B4GALNT2: variants seen among roughly 807,000 people sequenced by gnomAD.
The protein encoded by B4GALNT2 is N-acetylneuraminylgalactosylglucosyl-glucoside beta-1,4-N- acetylgalactosaminyltransferase 2.
In B4GALNT2, 42 loss-of-function variants were observed where a neutral mutation model predicts 51.1. The ratio of observed to expected loss-of-function variants is 0.82; its 90% CI spans 0.64 to 1.06. The LOEUF is 1.06. Ranked by LOEUF, B4GALNT2 falls within the 50% of genes least tolerant of loss-of-function variation. The pLI, the probability that B4GALNT2 is intolerant of heterozygous loss-of-function variation, is 0.00. For missense variants in B4GALNT2, 602 were observed against 633.6 expected, an observed-to-expected ratio of 0.95 and a Z score of 0.54; for synonymous variants, 253 against 251.7, an observed-to-expected ratio of 1.01 and a Z score of -0.05.
At chr17:49,125,349 G>A in the B4GALNT2 span, among the ~76,000 whole-genome samples, 1 of 151,910 alleles carries the variant, frequency 6.6e-6, no homozygotes, top group Non-Finnish European at 1.5e-5. Context: ...TAATAGAGAC[G>A]GGGTTTCACC....
At chr17:49,155,801 G>A (rs1289567229) in intron 4 of B4GALNT2, among the ~76,000 whole-genome samples, 2 of 150,998 alleles carry the variant, frequency 1.3e-5, no homozygotes, top group Admixed American at 6.6e-5. Context: ...TCGGCTCACT[G>A]CAAGCTCCGC....
intron 1 of B4GALNT2, among the ~76,000 whole-genome samples, chr17:49,140,300 C>T (rs2042630413): frequency 6.6e-6 from 1 of 152,008 alleles, no homozygotes; most frequent in African/African-American, 2.4e-5. Flanking sequence ...TGGGGTTTCA[C>T]CATGTTAGCC....
Position 49,148,599 on chromosome 17 carries a change from T to C in B4GALNT2, c.354-4201T>C, listed in dbSNP as rs1598204551. ...ATACTGGATACCCTTGTTGGTAAGG[T>C]ACGCGTAGAAATGTCTCCAGGCAAA... On this transcript the variant is annotated intron_variant, in intron 3 of 10. Transcript: ENST00000393354. 6.2e-6 allele frequency: 3 copies of C among 480,688 alleles called. No individual in the cohort carries two copies. In the East Asian group the frequency reaches 1.4e-4, roughly 23 times the overall value. The allele number at this position is 480,688 out of a possible 1,614,324, so 29.8% of individuals were successfully genotyped here.
chr17:49,135,598 T>C (rs2042582631), intron 1 of B4GALNT2, among the ~76,000 whole-genome samples: 1 of 152,060 alleles, frequency 6.6e-6, no homozygotes, highest in Admixed American at 6.6e-5. Flanking sequence ...TATTCTTATG[T>C]GTTACTTCTA....
Position 49,170,036 on chromosome 17 carries a change from T to C in B4GALNT2, c.*308T>C, listed in dbSNP as rs1026475877. 1 of 250,580 alleles carries C rather than the reference T, an allele frequency of 4.0e-6. No homozygotes were observed. Among genetic ancestry groups the C allele is most frequent in the African/African-American group, 2.2e-5 (1 of 44,988 alleles). The allele number at this position is 250,580 out of a possible 1,614,324, so 15.5% of individuals were successfully genotyped here. ...CATCTGATATCACACAAAGATGACA[T>C]TGGTTGGTGTCCTCAGTCAAAAGAA... On this transcript the variant is annotated 3_prime_UTR_variant, in exon 11 of 11. Coordinates refer to ENST00000393354, the MANE Select transcript of B4GALNT2 (RefSeq NM_001159387.2).
intron 3 of B4GALNT2, among the ~76,000 whole-genome samples, chr17:49,152,341 G>A (rs2042765710): frequency 6.6e-6 from 1 of 152,198 alleles, no homozygotes; most frequent in South Asian, 2.1e-4. Context: ...TTGTGCCACT[G>A]TACTCCAGCC....
intron 10 of B4GALNT2, 152 bp from the exon 11 acceptor site, chr17:49,169,371 C>T (rs992527325): frequency 1.5e-6 from 1 of 683,618 alleles, no homozygotes; most frequent in African/African-American, 1.8e-5. Context: ...GGGACAGGCT[C>T]CTAGAGTTAA....
chr17:49,120,484 C>CTGTGTGTG, the B4GALNT2 span, among the ~76,000 whole-genome samples: 4 of 144,066 alleles, frequency 2.8e-5, no homozygotes, highest in African/African-American at 1.0e-4. Context: ...GTGTGTGTGT[C>CTGTGTGTG]TGTGTGTGTG....
intron 7 of B4GALNT2, among the ~76,000 whole-genome samples, chr17:49,161,275 G>GAAA (rs5820749): frequency 3.6e-5 from 5 of 139,386 alleles, no homozygotes; most frequent in Non-Finnish European, 6.1e-5. Context: ...ACTCTGTCTT[G>GAAA]AAAAAAAAAA....
At chr17:49,155,079 C>T (rs143052734) in intron 4 of B4GALNT2, among the ~76,000 whole-genome samples, 2 of 151,942 alleles carry the variant, frequency 1.3e-5, no homozygotes, top group South Asian at 2.1e-4. Context: ...GGGGCTGAGG[C>T]GGATGGATCA....
At chr17:49,145,554 T>C (rs2042687031) in intron 3 of B4GALNT2, among the ~76,000 whole-genome samples, 1 of 152,236 alleles carries the variant, frequency 6.6e-6, no homozygotes, top group Admixed American at 6.5e-5. Context: ...TTACTACCCA[T>C]TCTGTATTCC....
chr17:49,140,607 A>G (rs903866170), intron 1 of B4GALNT2, among the ~76,000 whole-genome samples: 1 of 151,972 alleles, frequency 6.6e-6, no homozygotes, highest in East Asian at 1.9e-4. Flanking sequence ...AGTGGATAAA[A>G]GTTCACGGCT....
In B4GALNT2 at chr17:49,140,947, G is replaced by GA. The variant is rs541317772; in HGVS notation, c.15-299dup. ...TTGGCCAGGATGGTCTTGATTTCTT[G>GA]ACCGCGTGATCCGCCTGCCTCGGCC... On this transcript the variant is annotated intron_variant, in intron 1 of 10. Transcript: ENST00000393354. 3.1e-3 allele frequency among the ~76,000 whole-genome samples: 477 copies of GA among 151,966 alleles called. 7 individuals carry two copies. Among genetic ancestry groups the GA allele is most frequent in the South Asian group, 9.1e-3 (44 of 4,816 alleles).
intron 1 of B4GALNT2, 116 bp from the exon 2 acceptor site, chr17:49,141,131 T>G (rs1201223934): frequency 2.2e-6 from 2 of 916,004 alleles, no homozygotes; most frequent in African/African-American, 3.3e-5. Flanking sequence ...TCGATTTTAG[T>G]GACCAATATA....
rs912264247 is a variant in B4GALNT2, at chr17:49,176,052, T to C, written c.*6324T>C. The C allele has an allele frequency of 8.5e-5, 13 of 152,188 alleles. No homozygotes were observed. Among genetic ancestry groups the C allele is most frequent in the Admixed American group, 6.5e-4 (10 of 15,280 alleles). 9.4% of individuals were successfully genotyped at this position (152,188 alleles called of 1,614,324 possible). ...CGCACCAGAGCCCACACTTGTCCCA[T>C]TGTTACCCTGATGTTTCCGAGCTCC... On this transcript the variant is annotated 3_prime_UTR_variant, in exon 11 of 11. Transcript: ENST00000393354.
chr17:49,159,908 T>A (rs987043468), intron 6 of B4GALNT2, among the ~76,000 whole-genome samples: 3 of 152,242 alleles, frequency 2.0e-5, no homozygotes, highest in Admixed American at 1.3e-4. Context: ...TGGGCACTAA[T>A]AGGAAAGAAC....
At chr17:49,166,292 G>T in intron 9 of B4GALNT2, 38 bp downstream of exon 9, 1 of 1,370,404 alleles carries the variant, frequency 7.3e-7, no homozygotes, top group Non-Finnish European at 9.7e-7. Flanking sequence ...GCCACAATCT[G>T]TAGAGATGGA....
intron 4 of B4GALNT2, among the ~76,000 whole-genome samples, chr17:49,155,612 GTA>G (rs1410089094): frequency 6.8e-6 from 1 of 147,652 alleles, no homozygotes; most frequent in Non-Finnish European, 1.5e-5. Context: ...AAAAAAAAAT[GTA>G]TATATATAAA....
chr17:49,131,612 C>T (rs1288986354), upstream of B4GALNT2, among the ~76,000 whole-genome samples: 2 of 151,940 alleles, frequency 1.3e-5, no homozygotes, highest in African/African-American at 2.4e-5. Flanking sequence ...AAGAGATTCT[C>T]GTGTTCTCGT....
Sources: gnomAD v4.1 joint callset for allele counts (sites outside exome capture counted in the v4.1 genomes callset) on GRCh38, gnomAD v4.1.1 for gene constraint, MANE v1.5 for transcripts, NCBI Gene and HGNC (gene_info 2026-07-23, HGNC 2026-07-21) for gene names.